The following KIAA1549L variants were observed in gnomAD, a reference collection of about 807,000 sequenced individuals.
KIAA1549L encodes the protein UPF0606 protein KIAA1549L.
A neutral mutation model predicts 160.7 loss-of-function variants in KIAA1549L; 88 were observed. The observed-to-expected ratio is 0.55, with a 90% CI of 0.46 to 0.65. The LOEUF is 0.65. Ranked by LOEUF, KIAA1549L falls within the 30% of genes least tolerant of loss-of-function variation. The pLI is 0.00. For synonymous variants in KIAA1549L, 950 were observed against 976.7 expected (o/e 0.97, Z 0.51); for missense variants, 2,258 against 2,437.5 (o/e 0.93, Z 1.55).
chr11:33,587,183 A>G (rs1849909303), intron 11 of KIAA1549L, among the ~76,000 whole-genome samples: 2 of 152,200 alleles, frequency 1.3e-5, no homozygotes, highest in African/African-American at 2.4e-5. Flanking sequence ...ATTGTTACCC[A>G]TGCTTTTTTT....
At chr11:33,548,554 T>C (rs1171534066) in intron 4 of KIAA1549L, among the ~76,000 whole-genome samples, 1 of 152,244 alleles carries the variant, frequency 6.6e-6, no homozygotes. Context: ...TTGTAAACAG[T>C]GATTTATTTC....
intron 2 of KIAA1549L, 46 bp from the exon 3 acceptor site, chr11:33,544,721 G>T (rs369538070): frequency 1.9e-6 from 3 of 1,543,624 alleles, no homozygotes; most frequent in South Asian, 1.3e-5. Context: ...CAAGTGACAC[G>T]TGCATTCCAA....
At chr11:33,505,608 C>A (rs778883512) in intron 1 of KIAA1549L, among the ~76,000 whole-genome samples, 5 of 152,232 alleles carry the variant, frequency 3.3e-5, no homozygotes, top group Admixed American at 2.6e-4. Context: ...CAAAGTGAGT[C>A]TTCACTTATA....
In KIAA1549L at chr11:33,656,086, T is replaced by C. The variant is rs1852054774; in HGVS notation, c.5835T>C (p.Pro1945=). 6.2e-7 allele frequency: 1 copy of C among 1,613,674 alleles called. No individual in the cohort carries two copies. Among genetic ancestry groups the C allele is most frequent in the Non-Finnish European group, 8.5e-7 (1 of 1,179,628 alleles). The part of the protein sequence containing the change: ...PPPPVPPRTG[P]VAVASLRRST... ...CACCCGTACCTCCCCGGACTGGTCCTGTGGCTGTCGCTTCTCTCAGGCGGT... is the reference window on the plus strand; with the variant it reads ...CACCCGTACCTCCCCGGACTGGTCCCGTGGCTGTCGCTTCTCTCAGGCGGT... Residue 1945 remains proline (P), a synonymous_variant, in exon 18 of 21, where the codon CCT becomes CCC. Coordinates refer to ENST00000658780, the MANE Select transcript of KIAA1549L (RefSeq NM_012194.3).
chr11:33,445,942 C>G (rs1851602440), intron 1 of KIAA1549L, among the ~76,000 whole-genome samples: 1 of 152,154 alleles, frequency 6.6e-6, no homozygotes, highest in Non-Finnish European at 1.5e-5. Context: ...TCTTGGACTT[C>G]CTGGCCTGTG....
At chr11:33,623,911 C>T (rs891215065) in intron 16 of KIAA1549L, among the ~76,000 whole-genome samples, 4 of 152,176 alleles carry the variant, frequency 2.6e-5, no homozygotes, top group South Asian at 2.1e-4. Context: ...TGATCCCCTG[C>T]GTTCTGGACC....
At chr11:33,568,289 T>G in intron 9 of KIAA1549L, 62 bp downstream of exon 9, 1 of 1,491,286 alleles carries the variant, frequency 6.7e-7, no homozygotes, top group African/African-American at 1.4e-5. Flanking sequence ...GGGATGTGCT[T>G]CCTGAGACTA....
At chr11:33,556,336 A>G (rs1392291614) in intron 6 of KIAA1549L, among the ~76,000 whole-genome samples, 1 of 152,176 alleles carries the variant, frequency 6.6e-6, no homozygotes, top group Non-Finnish European at 1.5e-5. Context: ...AAAAGTAGGG[A>G]CTCAAACAGG....
In KIAA1549L at chr11:33,556,389, C is replaced by T. The variant is rs977309147; in HGVS notation, c.3856-3360C>T. On this transcript the variant is annotated intron_variant, in intron 6 of 20. Transcript: ENST00000658780. ...TCATAGTAGCATTATTCACAACAGC[C>T]AAAAGGTGGAAGCAACCCATGTGTC... 2.6e-5 allele frequency among the ~76,000 whole-genome samples: 4 copies of T among 152,118 alleles called. No individual in the cohort carries two copies. The East Asian group carries it at 7.7e-4, about 29-fold the overall frequency.
At chr11:33,576,531 C>T (rs542678548) in intron 10 of KIAA1549L, among the ~76,000 whole-genome samples, 1 of 152,278 alleles carries the variant, frequency 6.6e-6, no homozygotes, top group African/African-American at 2.4e-5. Context: ...GTTCTCAGCT[C>T]TTTCTCCCTC....
At chr11:33,440,120 CTTTTT>C (rs201551936) in intron 1 of KIAA1549L, among the ~76,000 whole-genome samples, 29 of 83,416 alleles carry the variant, frequency 3.5e-4, no homozygotes, top group East Asian at 1.1e-3. Flanking sequence ...TATTTTGTTT[CTTTTT>C]TTTTTTTTTT....
chr11:33,613,527 G>A (rs1427767672), intron 15 of KIAA1549L, among the ~76,000 whole-genome samples: 2 of 152,186 alleles, frequency 1.3e-5, no homozygotes, highest in Non-Finnish European at 2.9e-5. Flanking sequence ...CATGGTGGAA[G>A]GAAAAGCAGA....
chr11:33,462,246 T>C (rs1346236942), intron 1 of KIAA1549L, among the ~76,000 whole-genome samples: 1 of 152,228 alleles, frequency 6.6e-6, no homozygotes, highest in African/African-American at 2.4e-5. Flanking sequence ...TGGATATGTT[T>C]ACTTTCATCC....
chr11:33,415,918 C>G (rs1850879095), intron 1 of KIAA1549L, among the ~76,000 whole-genome samples: 1 of 151,956 alleles, frequency 6.6e-6, no homozygotes, highest in African/African-American at 2.4e-5. Flanking sequence ...ACTGCAACCT[C>G]TGCCTCCTGG....
intron 1 of KIAA1549L, among the ~76,000 whole-genome samples, chr11:33,422,283 A>G (rs956659091): frequency 6.6e-6 from 1 of 152,224 alleles, no homozygotes; most frequent in African/African-American, 2.4e-5. Flanking sequence ...CACATGTGAT[A>G]AAACAACCAC....
At chr11:33,414,324 G>T (rs906512243) in intron 1 of KIAA1549L, among the ~76,000 whole-genome samples, 5 of 152,140 alleles carry the variant, frequency 3.3e-5, no homozygotes, top group African/African-American at 1.2e-4. Context: ...TGGATGATTA[G>T]ATAATCTTAT....
At chr11:33,381,328 T>C (rs1057203430) in intron 1 of KIAA1549L, among the ~76,000 whole-genome samples, 6 of 152,066 alleles carry the variant, frequency 3.9e-5, no homozygotes, top group African/African-American at 1.4e-4. Flanking sequence ...CTTGTCTAGA[T>C]GGAGTGGTGA....
At chr11:33,415,613 C>T (rs1016811927) in intron 1 of KIAA1549L, among the ~76,000 whole-genome samples, 2 of 152,128 alleles carry the variant, frequency 1.3e-5, no homozygotes, top group African/African-American at 2.4e-5. Flanking sequence ...ACAGCCAAGC[C>T]TGTGTCCTCT....
At position 33,670,440 on chromosome 11, in the gene KIAA1549L, A is replaced by G. The variant is rs1300226394; in HGVS notation, c.*2286A>G. ...TGGTCTTTACAGAGCCCCAGGAAAT[A>G]CTGAGTGAGTCAACTGAGACGACTA... On this transcript the variant is annotated 3_prime_UTR_variant, in exon 21 of 21. Transcript: ENST00000658780. 1.3e-5 allele frequency: 2 copies of G among 152,240 alleles called. No individual in the cohort carries two copies. Among genetic ancestry groups the G allele is most frequent in the Non-Finnish European group, 2.9e-5 (2 of 68,056 alleles). 9.4% of individuals were successfully genotyped at this position (152,240 alleles called of 1,614,324 possible). A position where few individuals can be genotyped will look rare whatever the true frequency, so the allele number is the denominator to read the frequency against.
Sources: gnomAD v4.1 joint callset for allele counts (sites outside exome capture counted in the v4.1 genomes callset) on GRCh38, gnomAD v4.1.1 for gene constraint, MANE v1.5 for transcripts, NCBI Gene and HGNC (gene_info 2026-07-23, HGNC 2026-07-21) for gene names.